The following SUSD4 variants were observed in gnomAD, a reference collection of about 807,000 sequenced individuals.
SUSD4 encodes the protein sushi domain containing 4.
Under a neutral mutation model 50.5 loss-of-function variants are expected in SUSD4, and 41 were observed. That is an observed-to-expected ratio of 0.81 (90% CI 0.63 to 1.05). The LOEUF is 1.05. Ranked by LOEUF, SUSD4 falls within the 50% of genes least tolerant of loss-of-function variation. SUSD4 has a pLI of 0.00. For missense variants in SUSD4, 580 were observed against 634.7 expected, an observed-to-expected ratio of 0.91 and a Z score of 0.93; for synonymous variants, 257 against 257.3, an observed-to-expected ratio of 1.00 and a Z score of 0.01.
rs1239409764 is a variant in SUSD4 at position 223,224,862 on chromosome 1, C to CTTCTT, written c.1062-1232_1062-1231insAAGAA. 1.5e-4 allele frequency among the ~76,000 whole-genome samples: 9 copies of CTTCTT among 59,236 alleles called. 1 individual carries two copies. Among genetic ancestry groups the CTTCTT allele is most frequent in the East Asian group, 5.6e-4 (1 of 1,770 alleles). The allele number at this position is 59,236 out of a possible 152,430, so 38.9% of individuals were successfully genotyped here. A position where few individuals can be genotyped will look rare whatever the true frequency, so the allele number is the denominator to read the frequency against. ...GTAGCCAATAGAACTTGGTTTCTTC[C>CTTCTT]TTTTTTTTTTTTTTTTTTTTTTTTT... On this transcript the variant is annotated intron_variant, in intron 7 of 8. Transcript: ENST00000366878.
At chr1:223,335,480 T>G (rs1667406770) in intron 2 of SUSD4, among the ~76,000 whole-genome samples, 1 of 152,226 alleles carries the variant, frequency 6.6e-6, no homozygotes, top group South Asian at 2.1e-4. Flanking sequence ...CAGTCAATTT[T>G]CAGTAATGCC....
chr1:223,332,774 T>G lies in SUSD4; in HGVS notation c.148+30504A>C, dbSNP rs1667246308. Among the ~76,000 whole-genome samples the G allele has an allele frequency of 6.6e-6, 1 of 152,132 alleles. No individual in the cohort carries two copies. Among genetic ancestry groups the G allele is most frequent in the African/African-American group, 2.4e-5 (1 of 41,420 alleles). Reference sequence around the variant, plus strand: ...AACTTCCTGCTGAGGCTCGGAGGTCTAAGGTTTGCTCCTTCTCTGTCCTGC... The same window carrying G: ...AACTTCCTGCTGAGGCTCGGAGGTCGAAGGTTTGCTCCTTCTCTGTCCTGC... On this transcript the variant is annotated intron_variant, in intron 2 of 8. Coordinates refer to ENST00000366878, the MANE Select transcript of SUSD4 (RefSeq NM_017982.4). The surrounding 1 kb of genome is among the most constrained non-coding windows in gnomAD (Gnocchi z 4.0).
intron 5 of SUSD4, among the ~76,000 whole-genome samples, chr1:223,253,071 A>G (rs989749531): frequency 3.3e-5 from 5 of 151,874 alleles, no homozygotes; most frequent in African/African-American, 1.2e-4. Context: ...AGCCTGGGTG[A>G]GACAGAGTGA....
chr1:223,300,836 G>A (rs1332190002), intron 2 of SUSD4, among the ~76,000 whole-genome samples: 2 of 152,232 alleles, frequency 1.3e-5, no homozygotes, highest in East Asian at 3.9e-4. Flanking sequence ...GTCTCACATG[G>A]TTGCCATTAA....
At chr1:223,278,957 G>C (rs1023449007) in intron 3 of SUSD4, among the ~76,000 whole-genome samples, 12 of 152,156 alleles carry the variant, frequency 7.9e-5, no homozygotes, top group Non-Finnish European at 1.6e-4. Context: ...AGGCAAACAG[G>C]GTCTGGAGTA....
intron 2 of SUSD4, among the ~76,000 whole-genome samples, chr1:223,331,511 A>G (rs1321941402): frequency 6.6e-6 from 1 of 152,194 alleles, no homozygotes; most frequent in East Asian, 1.9e-4. Context: ...AAGGGCCTCC[A>G]AAAGGCAAAT....
At chr1:223,360,485 C>T (rs1053974211) in intron 2 of SUSD4, among the ~76,000 whole-genome samples, 1 of 152,202 alleles carries the variant, frequency 6.6e-6, no homozygotes, top group Non-Finnish European at 1.5e-5. Context: ...GAGAGAGCCA[C>T]CCAAACATCA....
At chr1:223,289,113 C>T in intron 3 of SUSD4, 1 of 985,458 alleles carries the variant, frequency 1.0e-6, no homozygotes, top group Non-Finnish European at 1.2e-6. Context: ...CCTTTAGTCA[C>T]TGTACTTACT....
rs1227184839 is a variant in SUSD4, at chr1:223,251,548, C to G, written c.724+13082G>C. On this transcript the variant is annotated intron_variant, in intron 5 of 8. Coordinates refer to ENST00000366878, the MANE Select transcript of SUSD4 (RefSeq NM_017982.4). ...CATCCAAAACATATCAACTTGTGTC[C>G]TTATAAGAAGAAGAGGCAACAAAGG... 5.9e-5 allele frequency among the ~76,000 whole-genome samples: 9 copies of G among 152,192 alleles called. No individual in the cohort carries two copies. In the East Asian group the frequency reaches 1.4e-3, roughly 23 times the overall value.
rs1418151 is a variant in SUSD4 at position 223,231,141 on chromosome 1, C to T, written c.725-1753G>A. On this transcript the variant is annotated intron_variant, in intron 5 of 8. Transcript: ENST00000366878. The surrounding 1 kb of genome is among the most constrained non-coding windows in gnomAD (Gnocchi z 4.2). ...GGTCTATCCCGCGGGAACTGGAGCC[C>T]GGGGAAACTCAGACCCCGCTGGAGA... Among the ~76,000 whole-genome samples the T allele has an allele frequency of 0.067, 10,247 of 151,960 alleles. 478 individuals carry two copies. The highest frequency in any genetic ancestry group is 0.17 in the East Asian group (889 of 5,144).
chr1:223,352,216 G>C (rs1229494579), intron 2 of SUSD4, among the ~76,000 whole-genome samples: 1 of 152,228 alleles, frequency 6.6e-6, no homozygotes, highest in African/African-American at 2.4e-5. Context: ...AGATAGGGTA[G>C]GTTCACTCCC....
intron 5 of SUSD4, chr1:223,264,203 T>G: frequency 4.1e-6 from 4 of 985,392 alleles, no homozygotes; most frequent in Non-Finnish European, 4.8e-6. Flanking sequence ...AAGGGTGTGC[T>G]TGCAGCAAAA....
At chr1:223,304,793 CATATATATATATATATATATATATATAT>C (rs57599818) in intron 2 of SUSD4, among the ~76,000 whole-genome samples, 626 of 53,584 alleles carry the variant, frequency 0.012, 27 homozygotes, top group Admixed American at 0.053. Context: ...CTCAGGTTTC[CATATATATATATATATATATATATATAT>C]ATATATATAT....
At chr1:223,295,668 T>G (rs1404792755) in intron 2 of SUSD4, among the ~76,000 whole-genome samples, 2 of 150,596 alleles carry the variant, frequency 1.3e-5, no homozygotes, top group Non-Finnish European at 3.0e-5. Flanking sequence ...CTGCTAGGGG[T>G]GGGGCTGTGG....
chr1:223,264,936 C>A (rs779712359), intron 4 of SUSD4, 118 bp from the exon 5 acceptor site: 265 of 1,033,468 alleles, frequency 2.6e-4, no homozygotes, highest in Admixed American at 3.4e-4. Context: ...GAAAATGGCA[C>A]CACCTCTGAA....
intron 2 of SUSD4, among the ~76,000 whole-genome samples, chr1:223,314,925 G>A (rs1666094438): frequency 6.6e-6 from 1 of 152,154 alleles, no homozygotes; most frequent in African/African-American, 2.4e-5. Context: ...TCTATCTGCC[G>A]AGAATTTTCT....
chr1:223,287,559 G>A (rs562114032), intron 3 of SUSD4, among the ~76,000 whole-genome samples: 2 of 152,142 alleles, frequency 1.3e-5, no homozygotes, highest in South Asian at 2.1e-4. Flanking sequence ...GGCCCCGTAA[G>A]TTCTCTTAAG....
chr1:223,290,760 C>CT (rs11374676), intron 3 of SUSD4, among the ~76,000 whole-genome samples: 66,428 of 151,910 alleles, frequency 0.44, 15,088 homozygotes, highest in East Asian at 0.57. Flanking sequence ...TTCTCACCCC[C>CT]TTTCTTGCCA....
intron 2 of SUSD4, among the ~76,000 whole-genome samples, chr1:223,350,213 C>T (rs1437602709): frequency 3.3e-5 from 5 of 152,200 alleles, no homozygotes; most frequent in Non-Finnish European, 5.9e-5. Context: ...CCCAAGCTGA[C>T]GGAGACAGTA....
Sources: gnomAD v4.1 joint callset for allele counts (sites outside exome capture counted in the v4.1 genomes callset) on GRCh38, gnomAD v4.1.1 for gene constraint, Gnocchi (gnomAD v3.1) non-coding constraint, MANE v1.5 for transcripts, NCBI Gene and HGNC (gene_info 2026-07-23, HGNC 2026-07-21) for gene names.